The following MRAS variants were observed in gnomAD, a reference collection of about 807,000 sequenced individuals.
MRAS encodes the protein muscle RAS oncogene homolog, also known as ras-related protein M-Ras.
MRAS carries 4 observed loss-of-function variants against 20.9 expected under a neutral mutation model. That is an observed-to-expected ratio of 0.19 (90% CI 0.09 to 0.44). MRAS has a LOEUF of 0.44. MRAS is among the 20% of genes least tolerant of loss of function. The pLI is 0.99. For missense variants in MRAS, 154 were observed against 277.5 expected, an observed-to-expected ratio of 0.56 and a Z score of 3.16; for synonymous variants, 98 against 102.9, an observed-to-expected ratio of 0.95 and a Z score of 0.29.
intron 2 of MRAS, among the ~76,000 whole-genome samples, chr3:138,388,755 A>G (rs4346503): frequency 0.85 from 128,715 of 152,232 alleles, 54,682 homozygotes; most frequent in East Asian, 0.98. Flanking sequence ...TATGGCCCTT[A>G]GAGGCATATT....
intron 1 of MRAS, among the ~76,000 whole-genome samples, chr3:138,362,843 C>T (rs1394631728): frequency 1.3e-5 from 2 of 152,086 alleles, no homozygotes; most frequent in African/African-American, 4.8e-5. Flanking sequence ...AGGGAGCCAA[C>T]AGTAATCCCT....
intron 2 of MRAS, among the ~76,000 whole-genome samples, chr3:138,391,066 GA>G: frequency 6.6e-6 from 1 of 152,044 alleles, no homozygotes; most frequent in East Asian, 1.9e-4. Flanking sequence ...TTGGTCCTTT[GA>G]AAGAATCTGC....
At chr3:138,400,697 C>T in intron 5 of MRAS, 84 bp downstream of exon 5, 2 of 1,185,430 alleles carry the variant, frequency 1.7e-6, no homozygotes. Flanking sequence ...GGAAGCAGCT[C>T]CTGTTCTGAG....
chr3:138,350,963 A>G (rs1179544831), intron 1 of MRAS, among the ~76,000 whole-genome samples: 1 of 151,530 alleles, frequency 6.6e-6, no homozygotes, highest in African/African-American at 2.4e-5. Context: ...AAAAAAAAAA[A>G]AGTGACAAGT....
upstream of MRAS, chr3:138,348,167 T>G (rs999798434): frequency 6.6e-6 from 1 of 151,536 alleles, no homozygotes; most frequent in Admixed American, 6.6e-5. Flanking sequence ...GCGGCGGAGG[T>G]TCGCCTAGGA....
At chr3:138,357,969 A>T (rs572596264) in intron 1 of MRAS, among the ~76,000 whole-genome samples, 2 of 152,270 alleles carry the variant, frequency 1.3e-5, no homozygotes, top group East Asian at 1.9e-4. Flanking sequence ...GAAAACTCCA[A>T]ATTTTCATTA....
chr3:138,351,158 C>A (rs1001655294), intron 1 of MRAS, among the ~76,000 whole-genome samples: 6 of 152,094 alleles, frequency 3.9e-5, no homozygotes, highest in African/African-American at 1.4e-4. Flanking sequence ...TAATATATTT[C>A]ACATCAGATT....
At chr3:138,358,956 A>G (rs1357269432) in intron 1 of MRAS, among the ~76,000 whole-genome samples, 1 of 152,168 alleles carries the variant, frequency 6.6e-6, no homozygotes, top group Non-Finnish European at 1.5e-5. Flanking sequence ...ACCACCCACC[A>G]ACAATAGTTT....
intron 1 of MRAS, among the ~76,000 whole-genome samples, chr3:138,358,376 A>G (rs168818): frequency 1 from 152,004 of 152,066 alleles, 75,971 homozygotes; most frequent in Middle Eastern, 1. Context: ...TAAATAACTC[A>G]TCTAAAAAAG....
At chr3:138,352,509 A>G (rs966111282) in intron 1 of MRAS, among the ~76,000 whole-genome samples, 8 of 152,094 alleles carry the variant, frequency 5.3e-5, no homozygotes, top group African/African-American at 1.2e-4. Flanking sequence ...TTTTTTGGTT[A>G]TATGTTATAT....
intron 1 of MRAS, 197 bp downstream of exon 1, chr3:138,348,964 C>T (rs1284591276): frequency 3.3e-5 from 5 of 152,110 alleles, no homozygotes; most frequent in African/African-American, 1.2e-4. Flanking sequence ...GGTGTGCGTT[C>T]GTGAAATCGG....
At chr3:138,369,793 C>G (rs1048376611) in intron 1 of MRAS, among the ~76,000 whole-genome samples, 1 of 152,164 alleles carries the variant, frequency 6.6e-6, no homozygotes, top group Non-Finnish European at 1.5e-5. Context: ...TGCCAGCTGC[C>G]TTGGCAAGCA....
intron 1 of MRAS, among the ~76,000 whole-genome samples, chr3:138,357,938 A>G (rs2054367913): frequency 6.6e-6 from 1 of 152,200 alleles, no homozygotes; most frequent in African/African-American, 2.4e-5. Flanking sequence ...ATTTTCCTGG[A>G]TACTTTCCCC....
intron 1 of MRAS, among the ~76,000 whole-genome samples, chr3:138,353,394 C>T (rs1381727566): frequency 6.6e-6 from 1 of 152,134 alleles, no homozygotes; most frequent in Non-Finnish European, 1.5e-5. Flanking sequence ...GGAGTCCTTC[C>T]TTCCCTGACA....
Position 138,368,139 on chromosome 3 carries a change from C to G in MRAS, c.-18-4727C>G, listed in dbSNP as rs377757470. On this transcript the variant is annotated intron_variant, in intron 1 of 5. Coordinates refer to ENST00000423968, the MANE Select transcript of MRAS (RefSeq NM_001085049.3). ...GATGGGGCTGCCTGGAACCTCAGAG[C>G]CATTTCCCATGGAAACAATGCTCTA... 1.6e-4 allele frequency among the ~76,000 whole-genome samples: 24 copies of G among 152,298 alleles called. No individual in the cohort carries two copies. The East Asian group carries it at 4.6e-3, about 29-fold the overall frequency.
intron 1 of MRAS, among the ~76,000 whole-genome samples, chr3:138,357,953 C>T (rs2054368489): frequency 6.6e-6 from 1 of 152,244 alleles, no homozygotes; most frequent in African/African-American, 2.4e-5. Context: ...TTCCCCCAGA[C>T]CTTCTGAAAA....
At chr3:138,379,609 C>T (rs1468827338) in intron 2 of MRAS, among the ~76,000 whole-genome samples, 7 of 152,160 alleles carry the variant, frequency 4.6e-5, no homozygotes, top group African/African-American at 7.2e-5. Flanking sequence ...CTGCCCACCT[C>T]GGCCTCCCAA....
rs2055404182 is a variant in MRAS at position 138,403,705 on chromosome 3, G to A, written c.*1436G>A. 1 of 152,686 alleles carries A rather than the reference G, an allele frequency of 6.5e-6. No homozygotes were observed. Among genetic ancestry groups the A allele is most frequent in the Non-Finnish European group, 1.5e-5 (1 of 68,064 alleles). 9.5% of individuals were successfully genotyped at this position (152,686 alleles called of 1,614,324 possible). A position where few individuals can be genotyped will look rare whatever the true frequency, so the allele number is the denominator to read the frequency against. ...TTTTTCCAGCTGGGGTGGGAGTGGAGAGACAACAGGAACAACGCTGCACCA... is the reference window on the plus strand; with the variant it reads ...TTTTTCCAGCTGGGGTGGGAGTGGAAAGACAACAGGAACAACGCTGCACCA... On this transcript the variant is annotated 3_prime_UTR_variant, in exon 6 of 6. Coordinates refer to ENST00000423968, the MANE Select transcript of MRAS (RefSeq NM_001085049.3).
rs192603813 is a variant in MRAS, at chr3:138,364,850, G to A, written c.-18-8016G>A. Among the ~76,000 whole-genome samples the A allele has an allele frequency of 1.2e-4, 18 of 152,336 alleles. No homozygotes were observed. In the East Asian group the frequency reaches 3.1e-3, roughly 26 times the overall value. ...TGCCCCTCAAGCTCTGACCTGCCCA[G>A]CTGTTTCACCCACATGGGCAGCAGT... is the stretch of plus-strand genomic sequence containing the variant. On this transcript the variant is annotated intron_variant, in intron 1 of 5. Coordinates refer to ENST00000423968, the MANE Select transcript of MRAS (RefSeq NM_001085049.3).
Sources: gnomAD v4.1 joint callset for allele counts (sites outside exome capture counted in the v4.1 genomes callset) on GRCh38, gnomAD v4.1.1 for gene constraint, MANE v1.5 for transcripts, NCBI Gene and HGNC (gene_info 2026-07-23, HGNC 2026-07-21) for gene names.